Variants in HFM1 observed in about 807,000 individuals in gnomAD.
HFM1 encodes helicase for meiosis 1, also known as probable ATP-dependent DNA helicase HFM1.
HFM1 carries 169 observed loss-of-function variants against 192.1 expected under a neutral mutation model. That is an observed-to-expected ratio of 0.88 (90% CI 0.78 to 1.00). The LOEUF is 1.00. HFM1 is among the 50% of genes least tolerant of loss of function. The pLI, the probability that HFM1 is intolerant of heterozygous loss-of-function variation, is 0.00. For missense variants in HFM1, 1,661 were observed against 1,668.0 expected, an observed-to-expected ratio of 1.00 and a Z score of 0.07; for synonymous variants, 525 against 537.8, an observed-to-expected ratio of 0.98 and a Z score of 0.33.
At chr1:91,279,999 T>C (rs1292178585) in intron 30 of HFM1, among the ~76,000 whole-genome samples, 1 of 414 alleles carries the variant, frequency 2.4e-3, no homozygotes, top group Non-Finnish European at 0.036. Flanking sequence ...GACGTAAAAA[T>C]AAAATGTAAT....
chr1:91,378,259 A>G, intron 10 of HFM1, 76 bp from the exon 11 acceptor site: 1 of 1,284,372 alleles, frequency 7.8e-7, no homozygotes, highest in Non-Finnish European at 1.1e-6. Flanking sequence ...ATTCAATAAT[A>G]TTAACATTCT....
intron 30 of HFM1, among the ~76,000 whole-genome samples, chr1:91,298,579 A>C (rs1648098569): frequency 6.6e-6 from 1 of 152,246 alleles, no homozygotes; most frequent in African/African-American, 2.4e-5. Flanking sequence ...TCAGACTAAC[A>C]GCTGATCTCT....
intron 36 of HFM1, among the ~76,000 whole-genome samples, chr1:91,264,256 C>G (rs1044391679): frequency 1.3e-5 from 2 of 151,614 alleles, no homozygotes; most frequent in East Asian, 3.9e-4. Flanking sequence ...CAAAGTCGCC[C>G]CTAGCTCTGG....
At chr1:91,328,221 C>A (rs1487310714) in intron 20 of HFM1, 1 of 482,332 alleles carries the variant, frequency 2.1e-6, no homozygotes, top group Non-Finnish European at 3.5e-6. Context: ...AACCTTTAGC[C>A]AGACTAAGAA....
At chr1:91,361,065 T>G (rs933789192) in intron 13 of HFM1, among the ~76,000 whole-genome samples, 1 of 152,030 alleles carries the variant, frequency 6.6e-6, no homozygotes, top group African/African-American at 2.4e-5. Flanking sequence ...GAGAAACATA[T>G]AGCACCAAAT....
Position 91,313,974 on chromosome 1 carries a change from A to G in HFM1, c.3227T>C (p.Leu1076Pro). 1 of 1,588,652 alleles carries G rather than the reference A, an allele frequency of 6.3e-7. No homozygotes were observed. Among genetic ancestry groups the G allele is most frequent in the East Asian group, 2.2e-5 (1 of 44,500 alleles). ...ALKSEDLSIN[L>P]ISSEFVGLDI... ...TAACTTACCAAATTCAGAACTTATT[A>G]GATTTATGCTAAGATCTTCAGATTT... Residue 1076 changes from leucine (L) to proline (P), a missense_variant, in exon 29 of 39, where the codon CTA becomes CCA. By Grantham distance (98) the Leu-to-Pro change is moderately conservative. Coordinates refer to ENST00000370425, the MANE Select transcript of HFM1 (RefSeq NM_001017975.6).
intron 13 of HFM1, among the ~76,000 whole-genome samples, chr1:91,373,854 G>A (rs1000098058): frequency 2.0e-5 from 3 of 151,952 alleles, no homozygotes; most frequent in African/African-American, 7.3e-5. Context: ...ATCAATGCAA[G>A]AATGACCTAA....
chr1:91,266,037 G>A lies in HFM1; in HGVS notation c.3954C>T (p.Phe1318=). ...CTTGCCTGTTTGACATTTCTCTTTG[G>A]AATTTGCTCTTTGACTCTTGAAGGG... ...KLPLQESKSK[F]QREMSNSFVS... The change falls in exon 36 of 39, where the codon TTC becomes TTT. Residue 1318 remains phenylalanine (F), a synonymous_variant. Coordinates refer to ENST00000370425, the MANE Select transcript of HFM1 (RefSeq NM_001017975.6). 1 of 1,582,306 alleles carries A rather than the reference G, an allele frequency of 6.3e-7. No individual in the cohort carries two copies.
At chr1:91,407,117 C>T (rs577072738), upstream of HFM1, among the ~76,000 whole-genome samples, 1 of 152,230 alleles carries the variant, frequency 6.6e-6, no homozygotes, top group African/African-American at 2.4e-5. Flanking sequence ...ATAACCATCA[C>T]TCTTATCCAT....
chr1:91,264,640 T>G (rs1665572388), intron 36 of HFM1, among the ~76,000 whole-genome samples: 1 of 151,892 alleles, frequency 6.6e-6, no homozygotes, highest in Non-Finnish European at 1.5e-5. Flanking sequence ...CCCAAAGTGC[T>G]GGGATTACAA....
In HFM1 at chr1:91,261,149, T is replaced by G. The variant is rs1665120667; in HGVS notation, c.*141A>C. On this transcript the variant is annotated 3_prime_UTR_variant, in exon 39 of 39. Transcript: ENST00000370425. ...AAATAAATCGGCCCATACATTTTGT[T>G]GCAAAAAGTGAACAAAGCTAATCAA... The G allele has an allele frequency of 2.5e-6, 1 of 404,598 alleles. No individual in the cohort carries two copies. Among genetic ancestry groups the G allele is most frequent in the African/African-American group, 2.1e-5 (1 of 48,178 alleles). The allele number at this position is 404,598 out of a possible 1,614,324, so 25.1% of individuals were successfully genotyped here.
intron 34 of HFM1, among the ~76,000 whole-genome samples, chr1:91,273,503 AT>A (rs1341384737): frequency 6.6e-6 from 1 of 151,806 alleles, no homozygotes; most frequent in East Asian, 1.9e-4. Flanking sequence ...TAGGAAAGAG[AT>A]TTTTTTTTAA....
intron 20 of HFM1, chr1:91,329,363 T>G: frequency 6.3e-7 from 1 of 1,596,394 alleles, no homozygotes; most frequent in Non-Finnish European, 8.5e-7. Context: ...AGAGGCTGAG[T>G]AAGAGTCATT....
At chr1:91,362,843 A>T (rs1176452919) in intron 13 of HFM1, among the ~76,000 whole-genome samples, 2 of 152,172 alleles carry the variant, frequency 1.3e-5, no homozygotes, top group Non-Finnish European at 2.9e-5. Context: ...AGACCAAAGG[A>T]AAAGAATAGA....
chr1:91,283,031 G>A (rs1667604687), intron 30 of HFM1, among the ~76,000 whole-genome samples: 2 of 152,032 alleles, frequency 1.3e-5, no homozygotes, highest in Admixed American at 1.3e-4. Flanking sequence ...TGCAAGTTTT[G>A]TTTGTTTGTT....
intron 7 of HFM1, 94 bp from the exon 8 acceptor site, chr1:91,380,330 GAAT>G: frequency 1.4e-6 from 1 of 733,882 alleles, no homozygotes; most frequent in South Asian, 3.7e-5. Context: ...AGAATCTAAG[GAAT>G]AATAGTTCAA....
intron 34 of HFM1, 63 bp downstream of exon 34, chr1:91,273,649 C>A: frequency 1.2e-6 from 1 of 817,996 alleles, no homozygotes; most frequent in Non-Finnish European, 2.0e-6. Context: ...AATAACACTA[C>A]TCGTCAATTC....
At chr1:91,303,089 T>C (rs919547777) in intron 30 of HFM1, among the ~76,000 whole-genome samples, 8 of 152,178 alleles carry the variant, frequency 5.3e-5, no homozygotes, top group African/African-American at 1.7e-4. Flanking sequence ...ATTCCCAAGG[T>C]TGTGCAACAG....
At chr1:91,385,898 C>G in intron 4 of HFM1, 64 bp from the exon 5 acceptor site, 6 of 1,412,710 alleles carry the variant, frequency 4.2e-6, no homozygotes, top group Non-Finnish European at 5.8e-6. Flanking sequence ...ATATGAAAAA[C>G]TAGCATAAAA....
Sources: allele counts gnomAD v4.1 joint callset (sites outside exome capture counted in the v4.1 genomes callset), GRCh38; gene constraint gnomAD v4.1.1; transcripts MANE v1.5; gene names NCBI Gene and HGNC (gene_info 2026-07-23, HGNC 2026-07-21).